The following ANKRD18A variants were observed in gnomAD, a reference collection of about 807,000 sequenced individuals.
ANKRD18A encodes the protein ankyrin repeat domain-containing protein 18A.
ANKRD18A carries 72 observed loss-of-function variants against 110.6 expected under a neutral mutation model. The observed-to-expected ratio is 0.65, with a 90% confidence interval of 0.54 to 0.79. ANKRD18A has a LOEUF of 0.79. ANKRD18A is among the 30% of genes least tolerant of loss of function. The pLI is 0.00. For synonymous variants in ANKRD18A, 305 were observed against 410.3 expected (o/e 0.74, Z 3.10); for missense variants, 934 against 1,163.3 (o/e 0.80, Z 2.87).
intron 10 of ANKRD18A, among the ~76,000 whole-genome samples, chr9:38,592,405 C>A (rs1183023883): frequency 6.6e-6 from 1 of 152,098 alleles, no homozygotes; most frequent in Non-Finnish European, 1.5e-5. Context: ...GAAGACTGGG[C>A]AACAAGTGCT....
intron 13 of ANKRD18A, 76 bp downstream of exon 13, chr9:38,577,791 C>T (rs538574685): frequency 6.8e-7 from 1 of 1,470,702 alleles, no homozygotes; most frequent in African/African-American, 1.4e-5. Context: ...ACAATATATA[C>T]ATATCCAAAA....
At chr9:38,610,153 T>A in intron 5 of ANKRD18A, 120 bp downstream of exon 5, 1 of 1,325,518 alleles carries the variant, frequency 7.5e-7, no homozygotes, top group East Asian at 2.7e-5. Context: ...GACTAACTTG[T>A]TGCCATTCCA....
At chr9:38,613,474 T>TAA (rs113471238) in intron 3 of ANKRD18A, among the ~76,000 whole-genome samples, 1 of 152,004 alleles carries the variant, frequency 6.6e-6, no homozygotes, top group Non-Finnish European at 1.5e-5. Flanking sequence ...GTATGTTTAA[T>TAA]AAAAAAACTC....
intron 12 of ANKRD18A, among the ~76,000 whole-genome samples, chr9:38,580,194 C>T (rs1206606834): frequency 1.1e-4 from 17 of 152,152 alleles, no homozygotes. Flanking sequence ...TCACTTGAAG[C>T]CAAAAGTTCC....
chr9:38,602,157 T>G (rs1245132596), intron 7 of ANKRD18A, among the ~76,000 whole-genome samples: 5 of 150,524 alleles, frequency 3.3e-5, no homozygotes, highest in Admixed American at 2.0e-4. Context: ...ACATCAGGTC[T>G]TTGCATGTCT....
intron 1 of ANKRD18A, among the ~76,000 whole-genome samples, chr9:38,616,573 C>T (rs1267581049): frequency 2.0e-5 from 3 of 152,310 alleles, no homozygotes; most frequent in Admixed American, 6.5e-5. Context: ...CTGCCCCAGC[C>T]TCCTGAATAG....
Position 38,590,881 on chromosome 9 carries a change from ATATG to A in ANKRD18A, c.2005-2222_2005-2219del, listed in dbSNP as rs1171298620. Among the ~76,000 whole-genome samples the A allele has an allele frequency of 7.2e-5, 11 of 152,250 alleles. No individual in the cohort carries two copies. In the East Asian group the frequency reaches 2.1e-3, roughly 29 times the overall value. The stretch of plus-strand genomic sequence containing the variant: ...AGATGGTTTAAAGCTGCCCCTTATT[ATATG>A]TTTTACTCCCAAGGCAGACATCAAA... On this transcript the variant is annotated intron_variant, in intron 10 of 15. Coordinates refer to ENST00000399703, the MANE Select transcript of ANKRD18A (RefSeq NM_147195.4).
chr9:38,618,093 A>G (rs1563980925), intron 1 of ANKRD18A, among the ~76,000 whole-genome samples: 4 of 152,178 alleles, frequency 2.6e-5, no homozygotes, highest in African/African-American at 7.2e-5. Context: ...GAAGAAGCTA[A>G]AAGTTCAAAC....
Position 38,610,380 on chromosome 9 carries a change from G to A in ANKRD18A, c.633C>T (p.Asn211=), listed in dbSNP as rs1189940952. The change falls in exon 5 of 16, where the codon AAC becomes AAT. Residue 211 remains asparagine, a synonymous_variant. Coordinates refer to ENST00000399703, the MANE Select transcript of ANKRD18A (RefSeq NM_147195.4). ...GCAGGAGGGTGACGATACTTGACAA[G>A]TTATGCTGTACTGCAAGTATGAGGG... The part of the protein sequence containing the change: ...RTALILAVQH[N]LSSIVTLLLQ... The A allele has an allele frequency of 6.5e-7, 1 of 1,550,102 alleles. No individual in the cohort carries two copies. The highest frequency in any genetic ancestry group is 8.7e-7 in the Non-Finnish European group (1 of 1,146,480).
At chr9:38,585,445 T>G (rs1321191151) in intron 12 of ANKRD18A, among the ~76,000 whole-genome samples, 1 of 152,144 alleles carries the variant, frequency 6.6e-6, no homozygotes, top group African/African-American at 2.4e-5. Flanking sequence ...TGATTTTCCC[T>G]ACAACTCTGT....
rs535406319 is a variant in ANKRD18A, at chr9:38,602,097, C to T, written c.863-893G>A. 1.2e-4 allele frequency among the ~76,000 whole-genome samples: 18 copies of T among 149,668 alleles called. No homozygotes were observed. The East Asian group carries it at 3.1e-3, about 26-fold the overall frequency. ...CACAGGTGTCTCCTTTCTTGGGGCT[C>T]CCTTCGTACTTTTTGAATTTTTCTA... On this transcript the variant is annotated intron_variant, in intron 7 of 15. Transcript: ENST00000399703.
intron 8 of ANKRD18A, 128 bp downstream of exon 8, chr9:38,601,003 T>A: frequency 1.2e-6 from 1 of 815,418 alleles, no homozygotes; most frequent in Non-Finnish European, 1.8e-6. Flanking sequence ...AAATTCAATA[T>A]GAAATTATGC....
At position 38,588,090 on chromosome 9, in the gene ANKRD18A, A is replaced by C. The variant is rs867355971; in HGVS notation, c.2117+461T>G. On this transcript the variant is annotated intron_variant, in intron 11 of 15. Coordinates refer to ENST00000399703, the MANE Select transcript of ANKRD18A (RefSeq NM_147195.4). ...GTGACAGAGCCAGACTCTGTCTCAAAAGATAAATAAATAAATAAATAAAAA... is the reference window on the plus strand; with the variant it reads ...GTGACAGAGCCAGACTCTGTCTCAACAGATAAATAAATAAATAAATAAAAA... Among the ~76,000 whole-genome samples the C allele has an allele frequency of 3.9e-4, 59 of 152,336 alleles. 1 individual carries two copies. The highest frequency in any genetic ancestry group is 3.4e-3 in the Middle Eastern group (1 of 294).
At position 38,596,038 on chromosome 9, in the gene ANKRD18A, A is replaced by G. The variant is rs1430345287; in HGVS notation, c.1302T>C (p.Asn434=). The G allele has an allele frequency of 8.1e-5, 126 of 1,550,454 alleles. No homozygotes were observed. Among genetic ancestry groups the G allele is most frequent in the Non-Finnish European group, 1.1e-4 (122 of 1,146,544 alleles). Residue 434 remains asparagine, a synonymous_variant, in exon 9 of 16, where the codon AAT becomes AAC. Coordinates refer to ENST00000399703, the MANE Select transcript of ANKRD18A (RefSeq NM_147195.4). ...CTAGGTCTTTTCTTTCCACAATTTC[A>G]TTGTACTCATTTATAGCAGTGGCCA... ...SSLATAINEY[N]EIVERKDLEL...
intron 10 of ANKRD18A, among the ~76,000 whole-genome samples, chr9:38,593,303 A>G (rs1239724355): frequency 6.6e-6 from 1 of 152,220 alleles, no homozygotes; most frequent in Non-Finnish European, 1.5e-5. Context: ...AAAGAACAGT[A>G]TGATGGCCTT....
chr9:38,604,174 T>A (rs988699996), intron 6 of ANKRD18A: 1 of 150,940 alleles, frequency 6.6e-6, no homozygotes, highest in African/African-American at 2.4e-5. Flanking sequence ...CGCATGTGCC[T>A]GTTGTCCCAG....
intron 3 of ANKRD18A, among the ~76,000 whole-genome samples, chr9:38,615,244 T>C (rs779070527): frequency 6.6e-6 from 1 of 152,232 alleles, no homozygotes; most frequent in Non-Finnish European, 1.5e-5. Context: ...TTCCATTTAT[T>C]GTAAGTTGCT....
At chr9:38,598,575 T>C (rs1833026) in intron 8 of ANKRD18A, among the ~76,000 whole-genome samples, 1 of 152,230 alleles carries the variant, frequency 6.6e-6, no homozygotes, top group African/African-American at 2.4e-5. Context: ...GTAACAAGCC[T>C]ATCTCATTCT....
chr9:38,599,234 C>T (rs1296017883), intron 8 of ANKRD18A, among the ~76,000 whole-genome samples: 3 of 152,110 alleles, frequency 2.0e-5, no homozygotes, highest in Non-Finnish European at 4.4e-5. Context: ...ACGATAAGAC[C>T]TGAGTGAGAT....
Sources: allele counts gnomAD v4.1 joint callset (sites outside exome capture counted in the v4.1 genomes callset), GRCh38; gene constraint gnomAD v4.1.1; transcripts MANE v1.5; gene names NCBI Gene and HGNC (gene_info 2026-07-23, HGNC 2026-07-21).